CSNK2A2IP: variants seen among roughly 807,000 people sequenced by gnomAD.
The protein encoded by CSNK2A2IP is casein kinase II subunit alpha'-interacting protein.
At chr3:88,455,206 C>T in the CSNK2A2IP span, among the ~76,000 whole-genome samples, 36 of 151,574 alleles carry the variant, frequency 2.4e-4, no homozygotes, top group African/African-American at 8.7e-4. Flanking sequence ...TTGGAGATGC[C>T]AATTTAATTT....
At chr3:88,344,235 G>A in the CSNK2A2IP span, among the ~76,000 whole-genome samples, 2 of 144,908 alleles carry the variant, frequency 1.4e-5, no homozygotes, top group African/African-American at 2.5e-5. Context: ...GGCGAGACAT[G>A]TGGTCATTTC....
chr3:88,402,273 A>T, the CSNK2A2IP span, among the ~76,000 whole-genome samples: 1 of 152,086 alleles, frequency 6.6e-6, no homozygotes, highest in African/African-American at 2.4e-5. Context: ...TGGCAGCACC[A>T]TGTGCTTGTG....
chr3:88,393,013 G>C, the CSNK2A2IP span, among the ~76,000 whole-genome samples: 59 of 152,240 alleles, frequency 3.9e-4, no homozygotes, highest in Non-Finnish European at 7.1e-4. Flanking sequence ...GCCTTGAAAG[G>C]GATAAAAGGG....
At chr3:88,449,874 T>TATATATAGAG in the CSNK2A2IP span, among the ~76,000 whole-genome samples, 1 of 70,112 alleles carries the variant, frequency 1.4e-5, no homozygotes, top group African/African-American at 4.7e-5. Flanking sequence ...TATATATATA[T>TATATATAGAG]AGAGAGAGAG....
the CSNK2A2IP span, among the ~76,000 whole-genome samples, chr3:88,376,231 T>C: frequency 1.3e-5 from 2 of 151,830 alleles, no homozygotes; most frequent in African/African-American, 2.4e-5. Context: ...TATTTTTTCA[T>C]TGTACTCCTC....
chr3:88,429,330 A>T, the CSNK2A2IP span, among the ~76,000 whole-genome samples: 1 of 152,070 alleles, frequency 6.6e-6, no homozygotes, highest in Non-Finnish European at 1.5e-5. Context: ...TATAGATGTT[A>T]TTTACTTTAT....
the CSNK2A2IP span, among the ~76,000 whole-genome samples, chr3:88,362,322 G>A: frequency 6.6e-6 from 1 of 152,276 alleles, no homozygotes; most frequent in Admixed American, 6.5e-5. Context: ...CATCACTAGG[G>A]AGTGATCTAA....
the CSNK2A2IP span, among the ~76,000 whole-genome samples, chr3:88,372,552 G>A: frequency 6.6e-6 from 1 of 151,216 alleles, no homozygotes; most frequent in Non-Finnish European, 1.5e-5. Context: ...ACCCAAAGAA[G>A]GGAGGAAGAA....
the CSNK2A2IP span, among the ~76,000 whole-genome samples, chr3:88,404,643 A>G: frequency 1.0e-3 from 150 of 148,948 alleles, 5 homozygotes; most frequent in African/African-American, 3.6e-3. Context: ...ATTATTATCC[A>G]TACAACTCCA....
the CSNK2A2IP span, among the ~76,000 whole-genome samples, chr3:88,350,599 T>TAA: frequency 1.8e-5 from 2 of 112,714 alleles, no homozygotes; most frequent in East Asian, 6.8e-4. Flanking sequence ...TCAAAGATGA[T>TAA]GAAAAAAAAA....
At chr3:88,375,390 G>A in the CSNK2A2IP span, among the ~76,000 whole-genome samples, 2 of 151,912 alleles carry the variant, frequency 1.3e-5, no homozygotes, top group East Asian at 3.9e-4. Flanking sequence ...TTTGGTACTA[G>A]GGTTGAGAGT....
At chr3:88,377,864 T>C in the CSNK2A2IP span, among the ~76,000 whole-genome samples, 4 of 151,966 alleles carry the variant, frequency 2.6e-5, no homozygotes, top group Non-Finnish European at 5.9e-5. Context: ...GTCTACACAG[T>C]GACCATATGT....
the CSNK2A2IP span, among the ~76,000 whole-genome samples, chr3:88,454,315 A>C: frequency 3.0e-3 from 437 of 146,422 alleles, 2 homozygotes; most frequent in African/African-American, 1.0e-2. Flanking sequence ...TCTATATATG[A>C]TTGATACAAG....
the CSNK2A2IP span, among the ~76,000 whole-genome samples, chr3:88,359,747 T>A: frequency 6.6e-6 from 1 of 152,212 alleles, no homozygotes; most frequent in East Asian, 1.9e-4. Flanking sequence ...TGATTTCAAT[T>A]TTTATAATTT....
chr3:88,349,272 T>C, the CSNK2A2IP span, among the ~76,000 whole-genome samples: 1 of 151,928 alleles, frequency 6.6e-6, no homozygotes, highest in Non-Finnish European at 1.5e-5. Flanking sequence ...TTGTCTTTTG[T>C]CCTTCTCCCC....
At chr3:88,346,416 A>T in the CSNK2A2IP span, among the ~76,000 whole-genome samples, 1 of 152,052 alleles carries the variant, frequency 6.6e-6, no homozygotes, top group East Asian at 1.9e-4. Flanking sequence ...GGAGAAGTCA[A>T]TGTCTGGCTT....
chr3:88,467,296 T>G, the CSNK2A2IP span: 2 of 400,282 alleles, frequency 5.0e-6, no homozygotes, highest in Non-Finnish European at 8.8e-6. Context: ...CTCTTCCTTT[T>G]CCATCTCATC....
the CSNK2A2IP span, among the ~76,000 whole-genome samples, chr3:88,355,452 G>A: frequency 2.6e-5 from 4 of 152,134 alleles, no homozygotes; most frequent in South Asian, 2.1e-4. Context: ...AAAAAAATCT[G>A]CATTCCAAAG....
chr3:88,444,069 C>T, the CSNK2A2IP span, among the ~76,000 whole-genome samples: 2 of 151,766 alleles, frequency 1.3e-5, no homozygotes, highest in Non-Finnish European at 2.9e-5. Flanking sequence ...GCATGGCTGT[C>T]TTTTATAGAA....
Sources: allele counts gnomAD v4.1 joint callset (sites outside exome capture counted in the v4.1 genomes callset), GRCh38; gene constraint gnomAD v4.1.1; transcripts MANE v1.5; gene names NCBI Gene and HGNC (gene_info 2026-07-23, HGNC 2026-07-21).